Variants in SYN3 observed in about 807,000 individuals in gnomAD.
SYN3 encodes synapsin III, also known as synapsin-3.
A neutral mutation model predicts 65.8 loss-of-function variants in SYN3; 35 were observed. The observed-to-expected ratio is 0.53, with a 90% CI of 0.41 to 0.70. The LOEUF (loss-of-function observed/expected upper bound fraction) is 0.70. Among genes scored for constraint, SYN3 ranks in the 30% least tolerant of loss-of-function variants. SYN3 has a pLI of 0.00. For missense variants in SYN3, 680 were observed against 749.0 expected (o/e 0.91, Z 1.08); for synonymous variants, 270 against 292.9 (o/e 0.92, Z 0.80).
At chr22:32,622,582 G>A (rs2059610345) in intron 6 of SYN3, among the ~76,000 whole-genome samples, 1 of 152,060 alleles carries the variant, frequency 6.6e-6, no homozygotes, top group Admixed American at 6.5e-5. Context: ...CAGCTGGAAT[G>A]TGTTTTCTCA....
chr22:32,989,273 C>T (rs1487657677), intron 2 of SYN3, among the ~76,000 whole-genome samples: 1 of 152,148 alleles, frequency 6.6e-6, no homozygotes. Context: ...TGTAAGGACC[C>T]CATGAATGAT....
Position 32,876,636 on chromosome 22 carries a change from GA to G in SYN3, c.462-7512del, listed in dbSNP as rs568022260. On this transcript the variant is annotated intron_variant, in intron 4 of 13. Transcript: ENST00000358763. ...GAGCACAGAGCATTTTTACAATCAG[GA>G]AAAAAACAATGAGGTTATCTTCATT... Among the ~76,000 whole-genome samples the G allele has an allele frequency of 1.5e-3, 221 of 150,288 alleles. 1 individual carries two copies. Among genetic ancestry groups the G allele is most frequent in the Middle Eastern group, 6.8e-3 (2 of 292 alleles).
chr22:32,680,811 GT>G (rs1246722923), intron 6 of SYN3, among the ~76,000 whole-genome samples: 6 of 152,176 alleles, frequency 3.9e-5, no homozygotes, highest in Admixed American at 6.5e-5. Context: ...TCCAAACTTA[GT>G]TTTTCCTCTC....
At chr22:32,719,914 C>T (rs1484195398) in intron 6 of SYN3, among the ~76,000 whole-genome samples, 1 of 151,942 alleles carries the variant, frequency 6.6e-6, no homozygotes, top group Non-Finnish European at 1.5e-5. Flanking sequence ...TTTCTAACAC[C>T]CTGGAGGGGA....
chr22:32,663,937 C>CG (rs1430389781), intron 6 of SYN3, among the ~76,000 whole-genome samples: 6 of 136,630 alleles, frequency 4.4e-5, no homozygotes, highest in African/African-American at 1.9e-4. Context: ...GCATTCCCCC[C>CG]CCACACTGCA....
In SYN3 at chr22:32,702,464, C is replaced by T. The variant is rs575062049; in HGVS notation, c.712-105728G>A. 5.9e-5 allele frequency among the ~76,000 whole-genome samples: 9 copies of T among 152,202 alleles called. No individual in the cohort carries two copies. In the South Asian group the frequency reaches 1.7e-3, roughly 28 times the overall value. ...CAGCCTGGGCCACAGAGTGAGACTC[C>T]GTCTCAAATAAATAAATAAATAGAA... On this transcript the variant is annotated intron_variant, in intron 6 of 13. Coordinates refer to ENST00000358763, the MANE Select transcript of SYN3 (RefSeq NM_003490.4).
chr22:32,751,663 A>G (rs904174775), intron 6 of SYN3, among the ~76,000 whole-genome samples: 6 of 152,234 alleles, frequency 3.9e-5, no homozygotes, highest in Non-Finnish European at 7.3e-5. Context: ...GAATCAGAAC[A>G]GGAGGAATAA....
At chr22:32,796,427 G>T (rs370498781) in intron 6 of SYN3, among the ~76,000 whole-genome samples, 4 of 152,172 alleles carry the variant, frequency 2.6e-5, no homozygotes, top group East Asian at 3.9e-4. Context: ...AGCCAGAGGG[G>T]TCTTCAATTT....
At chr22:32,984,047 T>G (rs1360447018) in intron 2 of SYN3, among the ~76,000 whole-genome samples, 1 of 149,364 alleles carries the variant, frequency 6.7e-6, no homozygotes, top group African/African-American at 2.5e-5. Context: ...TAATTCCAGC[T>G]GAGGCAGGAG....
intron 2 of SYN3, among the ~76,000 whole-genome samples, chr22:32,988,144 T>C (rs899907275): frequency 1.3e-5 from 2 of 151,300 alleles, no homozygotes; most frequent in Non-Finnish European, 2.9e-5. Context: ...CCATCTCTAC[T>C]AAAAATACAA....
chr22:32,986,728 T>A (rs560189427), intron 2 of SYN3, among the ~76,000 whole-genome samples: 1 of 152,298 alleles, frequency 6.6e-6, no homozygotes, highest in African/African-American at 2.4e-5. Flanking sequence ...CTGTCTCTCA[T>A]GGCTGCCTCC....
intron 4 of SYN3, among the ~76,000 whole-genome samples, chr22:32,898,669 T>C (rs182590533): frequency 4.8e-4 from 73 of 152,332 alleles, no homozygotes; most frequent in Non-Finnish European, 9.0e-4. Context: ...TATATACATA[T>C]ATGCATGTGT....
intron 6 of SYN3, among the ~76,000 whole-genome samples, chr22:32,836,831 G>C: frequency 6.6e-6 from 1 of 152,200 alleles, no homozygotes; most frequent in East Asian, 1.9e-4. Flanking sequence ...TGAAGGGTAA[G>C]TTATAGATGT....
rs1277321347 is a variant in SYN3, at chr22:32,801,604, A to C, written c.711+63311T>G. 1.3e-5 allele frequency: 2 copies of C among 154,670 alleles called. No homozygotes were observed. The highest frequency in any genetic ancestry group is 2.9e-5 in the Non-Finnish European group (2 of 70,034). The allele number at this position is 154,670 out of a possible 1,614,324, so 9.6% of individuals were successfully genotyped here. On this transcript the variant is annotated intron_variant, in intron 6 of 13. Transcript: ENST00000358763. The surrounding 1 kb of genome is among the most constrained non-coding windows in gnomAD (Gnocchi z 4.7). ...CCCTTTTTGGAGGGCCGATGAGGTA[A>C]TGCGGCTCTGCCATTGGTCTGAGGG... is the stretch of plus-strand genomic sequence containing the variant.
chr22:32,814,107 CGTGTGTGTGTGTGTGTGTGT>C (rs130279), intron 6 of SYN3, among the ~76,000 whole-genome samples: 5 of 97,676 alleles, frequency 5.1e-5, no homozygotes. Flanking sequence ...AGGCAATACT[CGTGTGTGTGTGTGTGTGTGT>C]GTGTGTGTGT....
intron 6 of SYN3, among the ~76,000 whole-genome samples, chr22:32,800,028 A>C (rs868147791): frequency 1.3e-5 from 2 of 152,222 alleles, no homozygotes; most frequent in Admixed American, 6.5e-5. Context: ...AGTCAAAAAG[A>C]TGTGGAAACT....
chr22:32,809,432 T>C lies in SYN3; in HGVS notation c.711+55483A>G, dbSNP rs374122605. 3.8e-4 allele frequency among the ~76,000 whole-genome samples: 58 copies of C among 152,276 alleles called. 2 individuals carry two copies. The South Asian group carries it at 0.012, about 31-fold the overall frequency. On this transcript the variant is annotated intron_variant, in intron 6 of 13. Transcript: ENST00000358763. ...CCCTGCTGCCCCCAAATTTTATTACTGTATAGTCAGTTCTGGGATCCTAAC... is the reference window on the plus strand; with the variant it reads ...CCCTGCTGCCCCCAAATTTTATTACCGTATAGTCAGTTCTGGGATCCTAAC...
chr22:32,610,586 T>A (rs1266757755), intron 6 of SYN3, among the ~76,000 whole-genome samples: 1 of 144,006 alleles, frequency 6.9e-6, no homozygotes, highest in East Asian at 1.9e-4. Context: ...TTTTGTTTTG[T>A]TTTGTTTTGT....
chr22:32,649,931 A>C (rs2060037720), intron 6 of SYN3, among the ~76,000 whole-genome samples: 1 of 152,202 alleles, frequency 6.6e-6, no homozygotes, highest in African/African-American at 2.4e-5. Context: ...TGAGAAAATC[A>C]GTGGGGAAAA....
Sources: gnomAD v4.1 joint callset for allele counts (sites outside exome capture counted in the v4.1 genomes callset) on GRCh38, gnomAD v4.1.1 for gene constraint, Gnocchi (gnomAD v3.1) non-coding constraint, MANE v1.5 for transcripts, NCBI Gene and HGNC (gene_info 2026-07-23, HGNC 2026-07-21) for gene names.